The following ABCA13 variants were observed in gnomAD, a reference collection of about 807,000 sequenced individuals.
ABCA13 encodes ATP binding cassette subfamily A member 13.
A neutral mutation model predicts 478.7 loss-of-function variants in ABCA13; 476 were observed. The observed-to-expected ratio is 0.99, with a 90% CI of 0.92 to 1.07. ABCA13 has a LOEUF of 1.07. Ranked by LOEUF, ABCA13 falls within the 50% of genes least tolerant of loss-of-function variation. ABCA13 has a pLI of 0.00. For missense variants in ABCA13, 6,060 were observed against 5,910.6 expected, an observed-to-expected ratio of 1.03 and a Z score of -0.83; for synonymous variants, 2,252 against 2,158.9, an observed-to-expected ratio of 1.04 and a Z score of -1.20.
intron 56 of ABCA13, among the ~76,000 whole-genome samples, chr7:48,580,751 G>A (rs892601273): frequency 6.6e-6 from 1 of 152,148 alleles, no homozygotes; most frequent in Admixed American, 6.5e-5. Context: ...GCTTGTGAAA[G>A]TGTGGGCACA....
intron 41 of ABCA13, among the ~76,000 whole-genome samples, chr7:48,425,322 A>G (rs1821259988): frequency 6.6e-6 from 1 of 152,258 alleles, no homozygotes; most frequent in African/African-American, 2.4e-5. Flanking sequence ...ATTGTTATCA[A>G]TAATGCCTTA....
intron 37 of ABCA13, among the ~76,000 whole-genome samples, chr7:48,391,144 A>C (rs1230454367): frequency 3.3e-5 from 5 of 152,326 alleles, no homozygotes; most frequent in African/African-American, 1.2e-4. Flanking sequence ...TGGTTTTAAC[A>C]CACACAGACT....
intron 19 of ABCA13, among the ~76,000 whole-genome samples, chr7:48,285,039 TAAAG>T (rs1401247774): frequency 1.3e-5 from 2 of 152,184 alleles, no homozygotes; most frequent in African/African-American, 2.4e-5. Context: ...TCTAGTGCTT[TAAAG>T]ATGCCAAGGA....
intron 31 of ABCA13, among the ~76,000 whole-genome samples, chr7:48,357,164 C>A (rs937940062): frequency 4.0e-5 from 6 of 151,620 alleles, no homozygotes; most frequent in Admixed American, 3.9e-4. Context: ...ATGTTGAATT[C>A]CTGCTTAAAA....
At chr7:48,303,754 G>A (rs1307992151) in intron 23 of ABCA13, among the ~76,000 whole-genome samples, 1 of 152,048 alleles carries the variant, frequency 6.6e-6, no homozygotes, top group East Asian at 1.9e-4. Flanking sequence ...CTTTCAAGGT[G>A]TTTTTTGATA....
chr7:48,219,268 C>T (rs1196101259), intron 3 of ABCA13, 86 bp from the exon 4 acceptor site: 25 of 1,414,720 alleles, frequency 1.8e-5, no homozygotes, highest in Non-Finnish European at 1.1e-5. Flanking sequence ...TAATTGAAAG[C>T]AATTTGGTAT....
In ABCA13 at chr7:48,273,054, A is replaced by C; in HGVS notation, c.3388A>C (p.Asn1130His). ...TTTTCCATTGGCACAAATTTTTTCA[A>C]ACCTCTCAGCAAATGTCAGTGTGTT... ...FVFPLAQIFS[N>H]LSANVSVFNK... is the part of the protein sequence containing the mutation. The change falls in exon 17 of 62, where the codon AAC (asparagine) becomes CAC (histidine). Residue 1130 changes from asparagine to histidine, a missense_variant. Physicochemically the swap from Asn to His is moderately conservative, Grantham distance 68. This residue lies in a region of ABCA13 where 4,423 missense variants were observed against 4,309.1 expected (regional missense o/e 1.03). Coordinates refer to ENST00000435803, the MANE Select transcript of ABCA13 (RefSeq NM_152701.5). 1.2e-6 allele frequency: 2 copies of C among 1,613,656 alleles called. No individual in the cohort carries two copies. The highest frequency in any genetic ancestry group is 1.3e-5 in the African/African-American group (1 of 75,028).
At chr7:48,574,728 C>T (rs1393793377) in intron 55 of ABCA13, among the ~76,000 whole-genome samples, 1 of 152,194 alleles carries the variant, frequency 6.6e-6, no homozygotes, top group Non-Finnish European at 1.5e-5. Context: ...TCCACAACAT[C>T]ATTACTTCTT....
At chr7:48,411,029 TTCTTTCTTTCTTTCTTTCTTTTTC>T (rs1563208437) in intron 40 of ABCA13, among the ~76,000 whole-genome samples, 9 of 120,900 alleles carry the variant, frequency 7.4e-5, no homozygotes, top group Non-Finnish European at 1.1e-4. Flanking sequence ...CTTTCTTTCT[TTCTTTCTTTCTTTCTTTCTTTTTC>T]TTTCTTTCTT....
intron 57 of ABCA13, among the ~76,000 whole-genome samples, chr7:48,588,384 T>C (rs572220368): frequency 6.6e-6 from 1 of 152,346 alleles, no homozygotes; most frequent in Non-Finnish European, 1.5e-5. Flanking sequence ...GGAATTTCCC[T>C]TTGCCCAGCC....
At chr7:48,247,307 G>C (rs1791847999) in intron 13 of ABCA13, among the ~76,000 whole-genome samples, 1 of 152,050 alleles carries the variant, frequency 6.6e-6, no homozygotes, top group Non-Finnish European at 1.5e-5. Flanking sequence ...AACATTACCT[G>C]TTTGCAAATA....
intron 3 of ABCA13, among the ~76,000 whole-genome samples, chr7:48,215,296 G>T (rs1169685419): frequency 6.6e-6 from 1 of 152,100 alleles, no homozygotes; most frequent in Non-Finnish European, 1.5e-5. Context: ...TGGGGGAATG[G>T]CCAAACAGTG....
At chr7:48,339,076 A>G (rs1027979245) in intron 29 of ABCA13, among the ~76,000 whole-genome samples, 2 of 152,176 alleles carry the variant, frequency 1.3e-5, no homozygotes, top group African/African-American at 4.8e-5. Flanking sequence ...AGCTCTCAGG[A>G]GCCTAACCCA....
At chr7:48,375,995 T>C (rs1166317287) in intron 34 of ABCA13, among the ~76,000 whole-genome samples, 1 of 152,176 alleles carries the variant, frequency 6.6e-6, no homozygotes. Flanking sequence ...CACAAACCTA[T>C]TGTAAAAAAA....
At chr7:48,452,085 C>T (rs186090458) in intron 42 of ABCA13, among the ~76,000 whole-genome samples, 129 of 152,162 alleles carry the variant, frequency 8.5e-4, no homozygotes, top group Admixed American at 3.5e-3. Context: ...TCATTTATGT[C>T]CAATTAACAT....
chr7:48,615,347 G>A lies in ABCA13; in HGVS notation c.14807G>A (p.Cys4936Tyr), dbSNP rs754672547. The change falls in exon 59 of 62, where the codon TGT (cysteine) becomes TAT (tyrosine). Residue 4936 changes from cysteine (C) to tyrosine (Y), a missense_variant. Physicochemically the swap from Cys to Tyr is radical, Grantham distance 194. Around this residue, in one of 3 missense-constraint regions of ABCA13, gnomAD observed 1,627 missense variants for 1,571.0 expected, o/e 1.04. Coordinates refer to ENST00000435803, the MANE Select transcript of ABCA13 (RefSeq NM_152701.5). ...ATAATGGTTAACGGCAGCTTCAAAT[G>A]TCTTGGTTCTCCTCAGCACATCAAA... ...LAIMVNGSFK[C>Y]LGSPQHIKNR... is the part of the protein sequence containing the mutation. The A allele has an allele frequency of 3.8e-6, 6 of 1,576,308 alleles. No homozygotes were observed. The Admixed American group carries it at 7.3e-5, about 19-fold the overall frequency.
intron 55 of ABCA13, among the ~76,000 whole-genome samples, chr7:48,540,356 TGAAAA>T (rs1298320447): frequency 2.0e-5 from 3 of 152,136 alleles, no homozygotes; most frequent in Admixed American, 6.6e-5. Context: ...TAACTACTCT[TGAAAA>T]GAAGAATAAA....
chr7:48,592,159 T>G (rs182578989), intron 57 of ABCA13, among the ~76,000 whole-genome samples: 15 of 151,514 alleles, frequency 9.9e-5, no homozygotes, highest in African/African-American at 3.6e-4. Flanking sequence ...TTTATCCAGT[T>G]TCTTCAATTG....
intron 53 of ABCA13, among the ~76,000 whole-genome samples, chr7:48,523,851 C>T (rs974542340): frequency 6.6e-6 from 1 of 152,040 alleles, no homozygotes; most frequent in East Asian, 1.9e-4. Flanking sequence ...TGTTTCAGTA[C>T]TTTTATATAC....
Sources: allele counts gnomAD v4.1 joint callset (sites outside exome capture counted in the v4.1 genomes callset), GRCh38; gene constraint gnomAD v4.1.1; regional missense constraint gnomAD v4.1.1; transcripts MANE v1.5; gene names NCBI Gene and HGNC (gene_info 2026-07-23, HGNC 2026-07-21).